CAST: variants seen among roughly 807,000 people sequenced by gnomAD.
The protein encoded by CAST is calpastatin.
CAST carries 76 observed loss-of-function variants against 119.6 expected under a neutral mutation model. The ratio of observed to expected loss-of-function variants is 0.64; its 90% CI spans 0.53 to 0.77. The LOEUF is 0.77. CAST is among the 30% of genes least tolerant of loss of function. CAST has a pLI of 0.00. For missense variants in CAST, 953 were observed against 946.5 expected (o/e 1.01, Z -0.09); for synonymous variants, 319 against 331.6 (o/e 0.96, Z 0.41).
chr5:96,682,200 G>GT, intron 2 of CAST, among the ~76,000 whole-genome samples: 1 of 152,302 alleles, frequency 6.6e-6, no homozygotes, highest in East Asian at 1.9e-4. Context: ...AGAGACTACT[G>GT]TAATTCTGAC....
chr5:96,626,449 A>G (rs1747725735), intron 1 of CAST, among the ~76,000 whole-genome samples: 1 of 152,072 alleles, frequency 6.6e-6, no homozygotes, highest in Non-Finnish European at 1.5e-5. Context: ...TCCACCCTCC[A>G]TCCTCATTCC....
At chr5:96,584,238 A>T (rs966711563) in intron 1 of CAST, among the ~76,000 whole-genome samples, 4 of 152,194 alleles carry the variant, frequency 2.6e-5, no homozygotes. Flanking sequence ...ACTGTTCCCA[A>T]TAGGGCTGGT....
chr5:96,429,612 C>G, the CAST span, among the ~76,000 whole-genome samples: 342 of 152,278 alleles, frequency 2.2e-3, 4 homozygotes, highest in South Asian at 0.033. Context: ...CTCCCACCCT[C>G]CACCCTCCAA....
At chr5:96,756,365 G>A in intron 22 of CAST, among the ~76,000 whole-genome samples, 1 of 152,196 alleles carries the variant, frequency 6.6e-6, no homozygotes, top group South Asian at 2.1e-4. Context: ...GCTTTCCCCT[G>A]TACCTGAAGA....
chr5:96,661,242 C>A (rs568497476), upstream of CAST, among the ~76,000 whole-genome samples: 16 of 139,328 alleles, frequency 1.1e-4, no homozygotes, highest in Admixed American at 8.1e-4. Context: ...CGTGGTGAAA[C>A]CCCGTCTCTA....
the CAST span, among the ~76,000 whole-genome samples, chr5:96,434,791 C>T: frequency 6.6e-6 from 1 of 152,178 alleles, no homozygotes; most frequent in African/African-American, 2.4e-5. Flanking sequence ...GAGGATCAGG[C>T]TCTGTAGTGC....
chr5:96,298,286 T>C, the CAST span, among the ~76,000 whole-genome samples: 127,805 of 152,182 alleles, frequency 0.84, 54,544 homozygotes, highest in Non-Finnish European at 0.92. Flanking sequence ...AATCTATTTC[T>C]TTTAGTTTCT....
chr5:96,335,927 A>G, the CAST span, among the ~76,000 whole-genome samples: 1 of 151,194 alleles, frequency 6.6e-6, no homozygotes, highest in East Asian at 1.9e-4. Flanking sequence ...TCTCAACTCC[A>G]CTCCTACCAC....
chr5:96,590,584 G>C (rs976132028), intron 1 of CAST, among the ~76,000 whole-genome samples: 2 of 152,210 alleles, frequency 1.3e-5, no homozygotes, highest in Non-Finnish European at 2.9e-5. Context: ...ATAGCAAAGC[G>C]CTGCTGTGAT....
At chr5:96,476,951 G>A in the CAST span, among the ~76,000 whole-genome samples, 3 of 147,702 alleles carry the variant, frequency 2.0e-5, no homozygotes, top group Admixed American at 6.8e-5. Flanking sequence ...AAAATACAGC[G>A]CTATTATCAG....
chr5:96,281,672 G>A, the CAST span, among the ~76,000 whole-genome samples: 2 of 152,110 alleles, frequency 1.3e-5, no homozygotes, highest in Non-Finnish European at 2.9e-5. Flanking sequence ...CAGCAGATGC[G>A]CGAGGAGAGA....
At chr5:96,673,461 C>T (rs1750353962) in intron 1 of CAST, among the ~76,000 whole-genome samples, 1 of 152,192 alleles carries the variant, frequency 6.6e-6, no homozygotes, top group South Asian at 2.1e-4. Context: ...TGATTGGCTA[C>T]AACTAGGCAT....
intron 1 of CAST, among the ~76,000 whole-genome samples, chr5:96,603,391 A>T (rs749700112): frequency 9.9e-5 from 15 of 152,102 alleles, no homozygotes; most frequent in Non-Finnish European, 2.1e-4. Flanking sequence ...CTATTTTTAA[A>T]TTTTTAATTT....
At chr5:96,366,229 A>T in the CAST span, among the ~76,000 whole-genome samples, 1 of 152,150 alleles carries the variant, frequency 6.6e-6, no homozygotes, top group Admixed American at 6.6e-5. Flanking sequence ...CTTTGTGGGT[A>T]ATCTGACCTT....
the CAST span, among the ~76,000 whole-genome samples, chr5:96,103,773 C>CA: frequency 6.6e-6 from 1 of 151,932 alleles, no homozygotes; most frequent in South Asian, 2.1e-4. Context: ...GAGGAATCAC[C>CA]ACACTGACTT....
chr5:96,069,322 TGATTGTG>T, the CAST span, among the ~76,000 whole-genome samples: 1 of 151,794 alleles, frequency 6.6e-6, no homozygotes, highest in African/African-American at 2.4e-5. Flanking sequence ...CTGGCTTATG[TGATTGTG>T]GAGACTGGAA....
intron 1 of CAST, chr5:96,663,108 G>T (rs1748794912): frequency 2.8e-6 from 2 of 702,500 alleles, no homozygotes; most frequent in Non-Finnish European, 5.2e-6. Flanking sequence ...CTCCCCCGCC[G>T]TGCGGATCGG....
chr5:96,491,347 C>T, the CAST span, among the ~76,000 whole-genome samples: 85 of 150,672 alleles, frequency 5.6e-4, no homozygotes, highest in African/African-American at 2.0e-3. Flanking sequence ...AAAACTTAGC[C>T]GGGTGTGGTG....
intron 1 of CAST, among the ~76,000 whole-genome samples, chr5:96,621,950 T>A (rs1747615509): frequency 6.9e-6 from 1 of 145,226 alleles, no homozygotes; most frequent in Admixed American, 7.1e-5. Flanking sequence ...GTTAGCATTC[T>A]TTTTTTTTCT....
Sources: gnomAD v4.1 joint callset for allele counts (sites outside exome capture counted in the v4.1 genomes callset) on GRCh38, gnomAD v4.1.1 for gene constraint, MANE v1.5 for transcripts, NCBI Gene and HGNC (gene_info 2026-07-23, HGNC 2026-07-21) for gene names.